Variants in CRK observed in about 807,000 individuals in gnomAD.
CRK encodes the protein CRK proto-oncogene, adaptor protein.
Under a neutral mutation model 29.8 loss-of-function variants are expected in CRK, and 4 were observed. The observed-to-expected ratio is 0.13, with a 90% CI of 0.07 to 0.31. The LOEUF is 0.31. Among genes scored for constraint, CRK ranks in the 10% least tolerant of loss-of-function variants. The probability of loss-of-function intolerance (pLI) is 1.00; values close to 1 mark genes in which losing one functional copy is unlikely to be tolerated. For synonymous variants in CRK, 153 were observed against 164.9 expected (o/e 0.93, Z 0.55); for missense variants, 274 against 396.5 (o/e 0.69, Z 2.62).
chr17:1,455,819 G>A (rs2074051815), intron 1 of CRK, 58 bp downstream of exon 1: 2 of 1,436,540 alleles, frequency 1.4e-6, no homozygotes, highest in South Asian at 1.4e-5. Flanking sequence ...AGCCAGCCAG[G>A]CTGGGAGTTC....
intron 1 of CRK, among the ~76,000 whole-genome samples, chr17:1,445,350 G>C (rs934881884): frequency 6.6e-6 from 1 of 152,142 alleles, no homozygotes. Flanking sequence ...ACAGCTGTCA[G>C]CTTAAAACAG....
At chr17:1,423,773 A>G in intron 2 of CRK, 123 bp from the exon 3 acceptor site, 4 of 1,218,290 alleles carry the variant, frequency 3.3e-6, no homozygotes, top group Non-Finnish European at 4.5e-6. Flanking sequence ...AGAAATGGCC[A>G]TTTGCTGCCT....
intron 1 of CRK, among the ~76,000 whole-genome samples, chr17:1,440,346 T>TGCAGCTACTTGG (rs2073924971): frequency 1.3e-5 from 2 of 150,126 alleles, no homozygotes; most frequent in African/African-American, 4.9e-5. Context: ...TGCCTGCAGT[T>TGCAGCTACTTGG]GCAGCTACTT....
At chr17:1,436,234 TAG>T (rs1443484158) in intron 2 of CRK, among the ~76,000 whole-genome samples, 2 of 152,100 alleles carry the variant, frequency 1.3e-5, no homozygotes, top group African/African-American at 4.8e-5. Flanking sequence ...AGTGCTTTGA[TAG>T]AGACCACTTA....
At chr17:1,437,638 G>C (rs1431095220) in intron 1 of CRK, among the ~76,000 whole-genome samples, 1 of 151,562 alleles carries the variant, frequency 6.6e-6, no homozygotes. Context: ...AGCAGTGTAA[G>C]CCTCAAGGTT....
chr17:1,447,319 T>C lies in CRK; in HGVS notation c.241+8558A>G, dbSNP rs149749558. 3.2e-4 allele frequency among the ~76,000 whole-genome samples: 48 copies of C among 151,972 alleles called. No individual in the cohort carries two copies. The East Asian group carries it at 8.7e-3, about 28-fold the overall frequency. The stretch of plus-strand genomic sequence containing the variant: ...CTCAATGACTTGTTCTACATCACCC[T>C]GTGCTGGATTCTGAACGTGGAGTTA... On this transcript the variant is annotated intron_variant, in intron 1 of 2. Transcript: ENST00000300574.
At chr17:1,434,014 T>C (rs1177123512) in intron 2 of CRK, among the ~76,000 whole-genome samples, 1 of 152,110 alleles carries the variant, frequency 6.6e-6, no homozygotes, top group African/African-American at 2.4e-5. Context: ...ATCAGCCTGT[T>C]GTTTTTGCAG....
chr17:1,453,845 T>C (rs1460105682), intron 1 of CRK, among the ~76,000 whole-genome samples: 1 of 151,818 alleles, frequency 6.6e-6, no homozygotes, highest in African/African-American at 2.4e-5. Context: ...GAGGTAGAGA[T>C]TGCAGTGAGC....
Position 1,423,564 on chromosome 17 carries a change from G to C in CRK, c.864C>G (p.Phe288Leu). Residue 288 changes from phenylalanine to leucine, a missense_variant, in exon 3 of 3, where the codon TTC becomes TTG. Around this residue, in one of 3 missense-constraint regions of CRK, gnomAD observed 121 missense variants for 154.3 expected, o/e 0.78. Coordinates refer to ENST00000300574, the MANE Select transcript of CRK (RefSeq NM_016823.4). ...GTTGATCCAGCAGACGGACATGTGT[G>C]AATGGGAAGTGACCTCGTTTGCCAT... The part of the protein sequence containing the change: ...ECNGKRGHFP[F>L]THVRLLDQQN... 6.2e-7 allele frequency: 1 copy of C among 1,614,086 alleles called. No homozygotes were observed. The highest frequency in any genetic ancestry group is 8.5e-7 in the Non-Finnish European group (1 of 1,180,028).
At chr17:1,438,162 C>T (rs2073903280) in intron 1 of CRK, among the ~76,000 whole-genome samples, 1 of 152,052 alleles carries the variant, frequency 6.6e-6, no homozygotes, top group Non-Finnish European at 1.5e-5. Flanking sequence ...CAGAGTCTCG[C>T]TGTGTCGCTC....
In CRK at chr17:1,436,732, G is replaced by A; in HGVS notation, c.665C>T (p.Ala222Val). 6.2e-7 allele frequency: 1 copy of A among 1,604,084 alleles called. No individual in the cohort carries two copies. Among genetic ancestry groups the A allele is most frequent in the Non-Finnish European group, 8.5e-7 (1 of 1,175,958 alleles). Residue 222 changes from alanine to valine, a missense_variant, in exon 2 of 3, where the codon GCC becomes GTC. Physicochemically the swap from Ala to Val is moderately conservative, Grantham distance 64. Coordinates refer to ENST00000300574, the MANE Select transcript of CRK (RefSeq NM_016823.4). Reference protein sequence around the residue: ...PLGGPEPGPYAQPSVNTPLPN... With the variant: ...PLGGPEPGPYVQPSVNTPLPN... ...GAGCGGAGTGTTGACGCTGGGTTGGGCATAGGGCCCAGGCTCCGGCCCACC... is the reference window on the plus strand; with the variant it reads ...GAGCGGAGTGTTGACGCTGGGTTGGACATAGGGCCCAGGCTCCGGCCCACC...
At chr17:1,452,747 G>C (rs918719231) in intron 1 of CRK, among the ~76,000 whole-genome samples, 3 of 151,304 alleles carry the variant, frequency 2.0e-5, no homozygotes, top group Admixed American at 6.6e-5. Flanking sequence ...CCAATATCGC[G>C]CCATTGCGCT....
chr17:1,449,620 G>A (rs2074002751), intron 1 of CRK, among the ~76,000 whole-genome samples: 1 of 152,082 alleles, frequency 6.6e-6, no homozygotes. Context: ...AGCTTATAAC[G>A]ACTCTCCTAA....
At position 1,433,509 on chromosome 17, in the gene CRK, CTT is replaced by C. The variant is rs60236552; in HGVS notation, c.777+3109_777+3110del. Among the ~76,000 whole-genome samples, 246 of 58,564 alleles carry C rather than the reference CTT, an allele frequency of 4.2e-3. 1 individual carries two copies. The highest frequency in any genetic ancestry group is 0.011 in the African/African-American group (212 of 18,544). The allele number at this position is 58,564 out of a possible 152,430, so 38.4% of individuals were successfully genotyped here. A position where few individuals can be genotyped will look rare whatever the true frequency, so the allele number is the denominator to read the frequency against. On this transcript the variant is annotated intron_variant, in intron 2 of 2. Coordinates refer to ENST00000300574, the MANE Select transcript of CRK (RefSeq NM_016823.4). ...CACAGGTGCACACCACCACGCCTGG[CTT>C]TTTTTTTTTTTTTTTTTTTTTTTTG...
At chr17:1,428,977 C>T (rs182332229) in intron 2 of CRK, among the ~76,000 whole-genome samples, 1 of 151,680 alleles carries the variant, frequency 6.6e-6, no homozygotes, top group Admixed American at 6.6e-5. Context: ...TCCTGAGTAG[C>T]TGGGATTACT....
At chr17:1,445,765 T>A (rs2073970214) in intron 1 of CRK, among the ~76,000 whole-genome samples, 1 of 151,886 alleles carries the variant, frequency 6.6e-6, no homozygotes, top group South Asian at 2.1e-4. Context: ...TAGGGCAGAG[T>A]GGTAAGGAGG....
At chr17:1,424,220 C>A (rs749620739) in intron 2 of CRK, among the ~76,000 whole-genome samples, 1 of 152,044 alleles carries the variant, frequency 6.6e-6, no homozygotes, top group Non-Finnish European at 1.5e-5. Context: ...GCGCCTGCCA[C>A]CGTGCCCAGC....
At chr17:1,451,834 A>G (rs1415357546) in intron 1 of CRK, among the ~76,000 whole-genome samples, 1 of 151,976 alleles carries the variant, frequency 6.6e-6, no homozygotes, top group African/African-American at 2.4e-5. Flanking sequence ...CAAAAAAAAA[A>G]ATTAGCTGGG....
At chr17:1,427,190 C>A (rs955462450) in intron 2 of CRK, among the ~76,000 whole-genome samples, 10 of 149,222 alleles carry the variant, frequency 6.7e-5, no homozygotes, top group African/African-American at 2.5e-4. Context: ...ACTCAGGAGG[C>A]TGAGGCAGGA....
Sources: allele counts gnomAD v4.1 joint callset (sites outside exome capture counted in the v4.1 genomes callset), GRCh38; gene constraint gnomAD v4.1.1; regional missense constraint gnomAD v4.1.1; transcripts MANE v1.5; gene names NCBI Gene and HGNC (gene_info 2026-07-23, HGNC 2026-07-21).